Variants in TJP3 observed in about 807,000 individuals in gnomAD.
TJP3 encodes tight junction protein ZO-3.
In TJP3, 85 loss-of-function variants were observed where a neutral mutation model predicts 104.2. The ratio of observed to expected loss-of-function variants is 0.82; its 90% CI spans 0.68 to 0.98. TJP3 has a LOEUF of 0.98. TJP3 is among the 50% of genes least tolerant of loss of function. The probability of loss-of-function intolerance (pLI) is 0.00; values close to 1 mark genes in which losing one functional copy is unlikely to be tolerated. For missense variants in TJP3, 1,367 were observed against 1,322.8 expected, an observed-to-expected ratio of 1.03 and a Z score of -0.52; for synonymous variants, 550 against 550.6, an observed-to-expected ratio of 1.00 and a Z score of 0.02.
At chr19:3,720,025 G>C (rs1235666877) in intron 1 of TJP3, among the ~76,000 whole-genome samples, 2 of 152,218 alleles carry the variant, frequency 1.3e-5, no homozygotes, top group Admixed American at 1.3e-4. Flanking sequence ...AATTACAGGA[G>C]TGAGCCATTG....
At chr19:3,728,335 C>T (rs930809046) in intron 1 of TJP3, 89 bp from the exon 2 acceptor site, 2 of 1,604,290 alleles carry the variant, frequency 1.2e-6, no homozygotes, top group Admixed American at 3.4e-5. Context: ...CCTGTCAGAG[C>T]TGGACTCCCC....
intron 1 of TJP3, among the ~76,000 whole-genome samples, chr19:3,718,460 T>C (rs937628326): frequency 6.6e-6 from 1 of 150,408 alleles, no homozygotes; most frequent in African/African-American, 2.4e-5. Context: ...TTGCGGTTTT[T>C]TTTTTTTGGG....
chr19:3,738,745 G>T, intron 12 of TJP3, 82 bp downstream of exon 12: 2 of 1,394,678 alleles, frequency 1.4e-6, no homozygotes, highest in South Asian at 2.5e-5. Context: ...GTGCAGGGAT[G>T]TGGTTGAATC....
Position 3,750,174 on chromosome 19 carries a change from G to A in TJP3, c.2647G>A (p.Asp883Asn). ...CCACCCCCAGGGACAGTGGCGACAG[G>A]ACAGCATGCGGTAAGAACCCCATAT... ...SRHPQGQWRQDSMRTYEREAL... is the reference protein window; with the variant it reads ...SRHPQGQWRQNSMRTYEREAL... Residue 883 changes from aspartate to asparagine, a missense_variant, in exon 20 of 21, where the codon GAC becomes AAC. Transcript: ENST00000541714. 6.2e-7 allele frequency: 1 copy of A among 1,612,690 alleles called. No homozygotes were observed. Among genetic ancestry groups the A allele is most frequent in the Non-Finnish European group, 8.5e-7 (1 of 1,179,776 alleles).
intron 19 of TJP3, among the ~76,000 whole-genome samples, chr19:3,748,845 G>A (rs948469219): frequency 3.1e-5 from 4 of 128,882 alleles, no homozygotes; most frequent in Admixed American, 8.4e-5. Context: ...CACTGCACCC[G>A]GCCTTTTTTT....
Position 3,730,643 on chromosome 19 carries a change from C to T in TJP3, c.550C>T (p.Pro184Ser), listed in dbSNP as rs765465733. The change falls in exon 5 of 21, where the codon CCA becomes TCA. Residue 184 changes from proline (P) to serine (S), a missense_variant. By Grantham distance (74) the Pro-to-Ser change is moderately conservative. Coordinates refer to ENST00000541714, the MANE Select transcript of TJP3 (RefSeq NM_001267560.2). This position sits in a 1 kb window ranked among gnomAD's most constrained non-coding sequence, Gnocchi z 7.3. ...CCTGGTGTCCGGCTTTAAGCGGCTG[C>T]CACGGCAGGACGTGCAGATGAAGCC... ...LALVSGFKRL[P>S]RQDVQMKPVK... 4 of 1,611,778 alleles carry T rather than the reference C, an allele frequency of 2.5e-6. No individual in the cohort carries two copies. In the Admixed American group the frequency reaches 5.0e-5, roughly 20 times the overall value.
At chr19:3,709,765 C>T (rs1199475570) in intron 1 of TJP3, among the ~76,000 whole-genome samples, 1 of 152,098 alleles carries the variant, frequency 6.6e-6, no homozygotes, top group Admixed American at 6.6e-5. Flanking sequence ...TCCCACCTTG[C>T]CTGGGTTTTG....
At chr19:3,717,405 T>TTTTA (rs144391001) in intron 1 of TJP3, among the ~76,000 whole-genome samples, 1 of 133,750 alleles carries the variant, frequency 7.5e-6, no homozygotes, top group Non-Finnish European at 1.6e-5. Flanking sequence ...CAGCCATAGC[T>TTTTA]TATATATATA....
rs1476022568 is a variant in TJP3 at position 3,730,362 on chromosome 19, A to G, written c.269A>G (p.Lys90Arg). 2.0e-6 allele frequency: 3 copies of G among 1,525,464 alleles called. No individual in the cohort carries two copies. The highest frequency in any genetic ancestry group is 1.4e-5 in the African/African-American group (1 of 72,626). The allele number at this position is 1,525,464 out of a possible 1,614,324, so 94.5% of individuals were successfully genotyped here. The part of the protein sequence containing the change: ...TCTKMANITV[K>R]RPRRIHLPAT... Reference sequence around the variant, plus strand: ...TGTCCCCTCCTCTAACAGACAGTGAAACGTCCCCGGAGGATCCACCTGCCC... The same window carrying G: ...TGTCCCCTCCTCTAACAGACAGTGAGACGTCCCCGGAGGATCCACCTGCCC... The change falls in exon 5 of 21, where the codon AAA becomes AGA. Residue 90 changes from lysine (K) to arginine (R), a missense_variant. Physicochemically the swap from Lys to Arg is conservative, Grantham distance 26. Coordinates refer to ENST00000541714, the MANE Select transcript of TJP3 (RefSeq NM_001267560.2). This position sits in a 1 kb window ranked among gnomAD's most constrained non-coding sequence, Gnocchi z 7.3.
intron 1 of TJP3, among the ~76,000 whole-genome samples, chr19:3,726,247 G>A (rs955524598): frequency 1.3e-5 from 2 of 152,246 alleles, no homozygotes; most frequent in East Asian, 1.9e-4. Flanking sequence ...GGGTGGAGGC[G>A]TGGCCAGGTG....
At chr19:3,712,002 CTG>C (rs538802993) in intron 1 of TJP3, among the ~76,000 whole-genome samples, 1 of 151,138 alleles carries the variant, frequency 6.6e-6, no homozygotes, top group African/African-American at 2.4e-5. Flanking sequence ...TCTTGATTGC[CTG>C]TGTGTGTGTG....
At chr19:3,749,732 A>G (rs2036964737) in intron 19 of TJP3, 1 of 222,846 alleles carries the variant, frequency 4.5e-6, no homozygotes, top group African/African-American at 2.3e-5. Flanking sequence ...CTCTAGGTCA[A>G]TGTAAAAATC....
At chr19:3,738,229 A>G (rs542429531) in intron 11 of TJP3, among the ~76,000 whole-genome samples, 80 of 152,288 alleles carry the variant, frequency 5.3e-4, no homozygotes, top group African/African-American at 1.9e-3. Context: ...CACAGTTTCC[A>G]TCGAGCTCCA....
chr19:3,731,812 C>T (rs1312188500), intron 5 of TJP3, 123 bp from the exon 6 acceptor site: 1 of 686,122 alleles, frequency 1.5e-6, no homozygotes, highest in Non-Finnish European at 2.4e-6. Flanking sequence ...TCACTGTTCT[C>T]CTTATGATGC....
intron 1 of TJP3, among the ~76,000 whole-genome samples, chr19:3,719,272 G>A (rs1490851039): frequency 6.6e-6 from 1 of 152,094 alleles, no homozygotes; most frequent in Non-Finnish European, 1.5e-5. Flanking sequence ...GGGAAGGGCT[G>A]AGTTGCCTGT....
intron 19 of TJP3, 63 bp downstream of exon 19, chr19:3,748,144 G>A: frequency 1.4e-6 from 2 of 1,463,628 alleles, no homozygotes; most frequent in Non-Finnish European, 1.8e-6. Flanking sequence ...GCACAGAGCA[G>A]ACACACACTG....
rs765075466 is a variant in TJP3, at chr19:3,738,909, T to A, written c.1406T>A (p.Met469Lys). Reference protein sequence around the residue: ...TQRKQDIFWKMVQSRVGDSFY... With the variant: ...TQRKQDIFWKKVQSRVGDSFY... ...CCGCTCTCCCCAGTTTTCTGGAAAA[T>A]GGTGCAGTCCCGCGTGGGTGACTCC... is the stretch of plus-strand genomic sequence containing the variant. The change falls in exon 13 of 21, where the codon ATG becomes AAG. Residue 469 changes from methionine (M) to lysine (K), a missense_variant. Coordinates refer to ENST00000541714, the MANE Select transcript of TJP3 (RefSeq NM_001267560.2). 6.3e-7 allele frequency: 1 copy of A among 1,590,070 alleles called. No homozygotes were observed. Among genetic ancestry groups the A allele is most frequent in the African/African-American group, 1.3e-5 (1 of 74,478 alleles).
intron 1 of TJP3, among the ~76,000 whole-genome samples, chr19:3,727,071 A>G (rs1194514673): frequency 1.3e-5 from 2 of 151,444 alleles, no homozygotes; most frequent in Non-Finnish European, 2.9e-5. Flanking sequence ...TGAGTGACAG[A>G]GACCCTGTCT....
rs1429576875 is a variant in TJP3, at chr19:3,714,425, G to A, written c.-10+5864G>A. On this transcript the variant is annotated intron_variant, in intron 1 of 20. Transcript: ENST00000541714. ...AAACTCCCGACCTCGTGATCCACCC[G>A]CGTTGGCCTCCCAAAGTGCTGGGAT... Among the ~76,000 whole-genome samples, 7 of 151,024 alleles carry A rather than the reference G, an allele frequency of 4.6e-5. No homozygotes were observed. The South Asian group carries it at 6.4e-4, about 14-fold the overall frequency.
Sources: gnomAD v4.1 joint callset for allele counts (sites outside exome capture counted in the v4.1 genomes callset) on GRCh38, gnomAD v4.1.1 for gene constraint, Gnocchi (gnomAD v3.1) non-coding constraint, MANE v1.5 for transcripts, NCBI Gene and HGNC (gene_info 2026-07-23, HGNC 2026-07-21) for gene names.